Variants in TMEM132D observed in about 807,000 individuals in gnomAD.
TMEM132D encodes transmembrane protein 132D, also known as mature OL transmembrane protein.
A neutral mutation model predicts 62.3 loss-of-function variants in TMEM132D; 21 were observed. The ratio of observed to expected loss-of-function variants is 0.34; its 90% confidence interval spans 0.24 to 0.49. The LOEUF (loss-of-function observed/expected upper bound fraction) is 0.49, where lower values mean the gene tolerates loss of function less well. Ranked by LOEUF, TMEM132D falls within the 20% of genes least tolerant of loss-of-function variation. The probability of loss-of-function intolerance (pLI) is 0.99; values close to 1 mark genes in which losing one functional copy is unlikely to be tolerated. For synonymous variants in TMEM132D, 621 were observed against 575.6 expected (o/e 1.08, Z -1.13); for missense variants, 1,346 against 1,402.8 (o/e 0.96, Z 0.65).
At chr12:129,170,721 A>T (rs1877696644) in intron 5 of TMEM132D, among the ~76,000 whole-genome samples, 1 of 152,048 alleles carries the variant, frequency 6.6e-6, no homozygotes, top group South Asian at 2.1e-4. Context: ...GCTACTAGGG[A>T]GGCTGAGGCA....
At chr12:129,680,656 G>T (rs551057719) in intron 2 of TMEM132D, among the ~76,000 whole-genome samples, 2 of 152,272 alleles carry the variant, frequency 1.3e-5, no homozygotes, top group African/African-American at 4.8e-5. Flanking sequence ...TCAGGGAACA[G>T]GACCCATCCC....
chr12:129,439,555 T>C (rs1467488457), intron 3 of TMEM132D, among the ~76,000 whole-genome samples: 2 of 152,126 alleles, frequency 1.3e-5, no homozygotes, highest in East Asian at 3.9e-4. Flanking sequence ...GTTCAAGTGA[T>C]TCTCCTGCCT....
rs1187228459 is a variant in TMEM132D, at chr12:129,094,899, G to A, written c.1444-10197C>T. Among the ~76,000 whole-genome samples the A allele has an allele frequency of 2.0e-5, 3 of 152,020 alleles. No individual in the cohort carries two copies. In the East Asian group the frequency reaches 5.8e-4, roughly 29 times the overall value. Reference sequence around the variant, plus strand: ...CCTTCGTAGGGACATGGATGAAACTGGAAACCACCATTCTCAGCAAACTAT... The same window carrying A: ...CCTTCGTAGGGACATGGATGAAACTAGAAACCACCATTCTCAGCAAACTAT... On this transcript the variant is annotated intron_variant, in intron 5 of 8. Coordinates refer to ENST00000422113, the MANE Select transcript of TMEM132D (RefSeq NM_133448.3).
chr12:129,424,214 A>T (rs533097765), intron 3 of TMEM132D, among the ~76,000 whole-genome samples: 100 of 152,292 alleles, frequency 6.6e-4, no homozygotes, highest in African/African-American at 2.2e-3. Context: ...AAAAAAAAAA[A>T]AAATCTATGA....
chr12:129,824,541 C>G (rs150159286), intron 1 of TMEM132D, among the ~76,000 whole-genome samples: 6 of 151,964 alleles, frequency 3.9e-5, no homozygotes, highest in Non-Finnish European at 7.4e-5. Context: ...GAGGTCACAA[C>G]GGTGGGGGCC....
intron 8 of TMEM132D, among the ~76,000 whole-genome samples, chr12:129,077,666 A>AAAAC (rs1455905191): frequency 6.6e-6 from 1 of 152,082 alleles, no homozygotes; most frequent in Non-Finnish European, 1.5e-5. Flanking sequence ...ACATAAAGCA[A>AAAAC]AAACATATAT....
At chr12:129,335,118 T>C (rs1391145799) in intron 4 of TMEM132D, among the ~76,000 whole-genome samples, 1 of 145,886 alleles carries the variant, frequency 6.9e-6, no homozygotes, top group East Asian at 2.1e-4. Flanking sequence ...CTGGGTACTC[T>C]AATAAGTACT....
chr12:129,363,987 GA>G (rs1230151406), intron 3 of TMEM132D, among the ~76,000 whole-genome samples: 1 of 152,226 alleles, frequency 6.6e-6, no homozygotes, highest in Non-Finnish European at 1.5e-5. Context: ...GAAGGAAACA[GA>G]ATGAACTGCA....
intron 2 of TMEM132D, among the ~76,000 whole-genome samples, chr12:129,591,869 C>T (rs1878200109): frequency 6.6e-6 from 1 of 152,010 alleles, no homozygotes; most frequent in Non-Finnish European, 1.5e-5. Context: ...AATAAATAAG[C>T]ACAAGAATGA....
At chr12:129,090,387 G>A (rs1012409175) in intron 5 of TMEM132D, among the ~76,000 whole-genome samples, 1 of 152,114 alleles carries the variant, frequency 6.6e-6, no homozygotes, top group Admixed American at 6.5e-5. Context: ...AAAGAAAGGG[G>A]CTGGGCGCAG....
At chr12:129,605,417 T>C (rs1458343156) in intron 2 of TMEM132D, among the ~76,000 whole-genome samples, 2 of 151,798 alleles carry the variant, frequency 1.3e-5, no homozygotes, top group African/African-American at 4.8e-5. Context: ...ATATGGAAGT[T>C]CTATCATCTC....
intron 3 of TMEM132D, among the ~76,000 whole-genome samples, chr12:129,500,802 G>T (rs1461043553): frequency 6.6e-6 from 1 of 152,116 alleles, no homozygotes; most frequent in Non-Finnish European, 1.5e-5. Flanking sequence ...AAGCTTAATT[G>T]TATTTGTGTT....
intron 2 of TMEM132D, among the ~76,000 whole-genome samples, chr12:129,603,990 T>A (rs933245524): frequency 3.3e-5 from 5 of 152,084 alleles, no homozygotes; most frequent in Non-Finnish European, 5.9e-5. Flanking sequence ...TATGCAGCCA[T>A]AAAAAATGAG....
chr12:129,293,140 C>A (rs1319816018), intron 4 of TMEM132D, among the ~76,000 whole-genome samples: 1 of 152,070 alleles, frequency 6.6e-6, no homozygotes, highest in Non-Finnish European at 1.5e-5. Flanking sequence ...ATTTCCTGTG[C>A]CCTAGGGTGG....
chr12:129,721,967 G>C (rs1267448279), intron 1 of TMEM132D, among the ~76,000 whole-genome samples: 2 of 152,144 alleles, frequency 1.3e-5, no homozygotes. Flanking sequence ...CAACTTAATT[G>C]CCCATGTAAA....
At chr12:129,789,161 T>C (rs758491835) in intron 1 of TMEM132D, among the ~76,000 whole-genome samples, 12 of 152,154 alleles carry the variant, frequency 7.9e-5, no homozygotes, top group Non-Finnish European at 1.2e-4. Flanking sequence ...GGTGCACCCA[T>C]CACCCGAGCA....
intron 3 of TMEM132D, among the ~76,000 whole-genome samples, chr12:129,396,351 A>G (rs1871430750): frequency 6.6e-6 from 1 of 152,174 alleles, no homozygotes; most frequent in African/African-American, 2.4e-5. Flanking sequence ...AAGCCCCCAC[A>G]TTGTAGACTG....
chr12:129,354,085 G>C (rs964273015), intron 3 of TMEM132D, among the ~76,000 whole-genome samples: 5 of 151,996 alleles, frequency 3.3e-5, no homozygotes, highest in African/African-American at 7.3e-5. Flanking sequence ...AGCCTGAAAT[G>C]TCCTTTTAGA....
chr12:129,413,174 T>C (rs2135706871), intron 3 of TMEM132D, among the ~76,000 whole-genome samples: 1 of 152,316 alleles, frequency 6.6e-6, no homozygotes, highest in African/African-American at 2.4e-5. Flanking sequence ...CCTTGAATTG[T>C]AACTCCCATA....
Sources: allele counts gnomAD v4.1 joint callset (sites outside exome capture counted in the v4.1 genomes callset), GRCh38; gene constraint gnomAD v4.1.1; transcripts MANE v1.5; gene names NCBI Gene and HGNC (gene_info 2026-07-23, HGNC 2026-07-21).